The following OSGEP variants were observed in gnomAD, a reference collection of about 807,000 sequenced individuals.
OSGEP encodes tRNA N6-adenosine threonylcarbamoyltransferase.
In OSGEP, 39 loss-of-function variants were observed where a neutral mutation model predicts 44.1. The observed-to-expected ratio is 0.88, with a 90% CI of 0.69 to 1.16. OSGEP has a LOEUF of 1.16. OSGEP is among the 50% of genes most tolerant of loss of function. The pLI, the probability that OSGEP is intolerant of heterozygous loss-of-function variation, is 0.00. For missense variants in OSGEP, 403 were observed against 443.1 expected (o/e 0.91, Z 0.81); for synonymous variants, 139 against 161.9 (o/e 0.86, Z 1.07).
At chr14:20,453,641 T>G (rs1881167935) in intron 1 of OSGEP, among the ~76,000 whole-genome samples, 1 of 152,214 alleles carries the variant, frequency 6.6e-6, no homozygotes, top group African/African-American at 2.4e-5. Context: ...GTGCTGGGAT[T>G]ACAGGCGTGA....
At chr14:20,452,227 G>A in intron 2 of OSGEP, 78 bp from the exon 3 acceptor site, 1 of 1,577,668 alleles carries the variant, frequency 6.3e-7, no homozygotes, top group Non-Finnish European at 8.7e-7. Context: ...GATGTGAGGT[G>A]GGGTAGGGGT....
rs1353101038 is a variant in OSGEP, at chr14:20,452,142, G to A, written c.243C>T (p.Gly81=). Residue 81 remains glycine (G), a synonymous_variant, in exon 3 of 11, where the codon GGC becomes GGT. Transcript: ENST00000206542. ...CCACAGAAACCAGTGGGGCACCCAT[G>A]CCAGGGCCTAGGGAGATAGAAATGG... ...IDCIAYTKGP[G]MGAPLVSVAV... is the part of the protein sequence containing the mutation. 6.2e-7 allele frequency: 1 copy of A among 1,610,412 alleles called. No homozygotes were observed. The highest frequency in any genetic ancestry group is 2.2e-5 in the East Asian group (1 of 44,860).
intron 1 of OSGEP, 98 bp from the exon 2 acceptor site, chr14:20,452,546 G>GA (rs1881130155): frequency 8.5e-7 from 1 of 1,173,860 alleles, no homozygotes; most frequent in East Asian, 2.4e-5. Flanking sequence ...GATGTAGTAA[G>GA]AGTCCTTTCA....
chr14:20,452,292 T>C (rs1881123208), intron 2 of OSGEP, 37 bp downstream of exon 2: 1 of 1,611,442 alleles, frequency 6.2e-7, no homozygotes, highest in Non-Finnish European at 8.5e-7. Flanking sequence ...AGGTTGCAGG[T>C]ATATTCCTCC....
rs377609434 is a variant in OSGEP, at chr14:20,447,491, G to C, written c.899C>G (p.Ala300Gly). 33 of 1,614,044 alleles carry C rather than the reference G, an allele frequency of 2.0e-5. No individual in the cohort carries two copies. The highest frequency in any genetic ancestry group is 2.5e-5 in the Non-Finnish European group (30 of 1,180,022). ...CCGAAACATCTCCCAGCCAGCCTGG[G>C]CTATCATCGCTCCATTGTCAATACA... ...RFCIDNGAMI[A>G]QAGWEMFRAG... Residue 300 changes from alanine to glycine, a missense_variant, in exon 10 of 11, where the codon GCC becomes GGC. By Grantham distance (60) the Ala-to-Gly change is moderately conservative. Transcript: ENST00000206542.
rs1191283028 is a variant in OSGEP, at chr14:20,447,978, A to G, written c.719T>C (p.Met240Thr). The change falls in exon 8 of 11, where the codon ATG (methionine) becomes ACG (threonine). Residue 240 changes from methionine (M) to threonine (T), a missense_variant. Physicochemically the swap from Met to Thr is moderately conservative, Grantham distance 81. Transcript: ENST00000206542. Reference protein sequence around the residue: ...CFSLQETVFAMLVEITERAMA... With the variant: ...CFSLQETVFATLVEITERAMA... The stretch of plus-strand genomic sequence containing the variant: ...GGCTCGCTCTGTGATCTCTACCAGC[A>G]TTGCAAACACAGTTTCCTGTCAGGG... 5 of 1,613,894 alleles carry G rather than the reference A, an allele frequency of 3.1e-6. No individual in the cohort carries two copies. Among genetic ancestry groups the G allele is most frequent in the Non-Finnish European group, 4.2e-6 (5 of 1,179,826 alleles).
rs1881115157 is a variant in OSGEP at position 20,452,063 on chromosome 14, T to G, written c.322A>C (p.Asn108His). 6.2e-7 allele frequency: 1 copy of G among 1,613,878 alleles called. No homozygotes were observed. The highest frequency in any genetic ancestry group is 8.5e-7 in the Non-Finnish European group (1 of 1,179,976). ...ATCTCAATGTGGCCTATACAGTGGTTCACACCCACCAATGGCTTATTCCAC... is the reference window on the plus strand; with the variant it reads ...ATCTCAATGTGGCCTATACAGTGGTGCACACCCACCAATGGCTTATTCCAC... ...QLWNKPLVGVNHCIGHIEMGR... is the reference protein window; with the variant it reads ...QLWNKPLVGVHHCIGHIEMGR... Residue 108 changes from asparagine (N) to histidine (H), a missense_variant, in exon 3 of 11, where the codon AAC (asparagine) becomes CAC (histidine). Physicochemically the swap from Asn to His is moderately conservative, Grantham distance 68. Transcript: ENST00000206542.
At position 20,454,626 on chromosome 14, in the gene OSGEP, G is replaced by T; in HGVS notation, c.58C>A (p.Arg20=). Residue 20 remains arginine, a synonymous_variant, in exon 1 of 11, where the codon CGG becomes AGG. Transcript: ENST00000206542. ...GGGTTCGCCAGCACCTTGCCATCCCGCACCACGCCCACGCCAATCTTATTG... is the reference window on the plus strand; with the variant it reads ...GGGTTCGCCAGCACCTTGCCATCCCTCACCACGCCCACGCCAATCTTATTG... ...SANKIGVGVV[R]DGKVLANPRR... 3 of 1,614,118 alleles carry T rather than the reference G, an allele frequency of 1.9e-6. No homozygotes were observed. Among genetic ancestry groups the T allele is most frequent in the Non-Finnish European group, 2.5e-6 (3 of 1,179,976 alleles).
At position 20,448,011 on chromosome 14, in the gene OSGEP, A is replaced by G. The variant is rs1324960774; in HGVS notation, c.703-17T>C. On this transcript the variant is annotated splice_polypyrimidine_tract_variant and intron_variant, in intron 7 of 10. Coordinates refer to ENST00000206542, the MANE Select transcript of OSGEP (RefSeq NM_017807.4). ...CACAGTTTCCTGTCAGGGACAGATA[A>G]GGAGAAAATATTAGAGGGGCATCCC... is the stretch of plus-strand genomic sequence containing the variant. The G allele has an allele frequency of 6.2e-7, 1 of 1,607,864 alleles. No homozygotes were observed. Among genetic ancestry groups the G allele is most frequent in the Non-Finnish European group, 8.5e-7 (1 of 1,174,268 alleles).
At position 20,448,009 on chromosome 14, in the gene OSGEP, T is replaced by C; in HGVS notation, c.703-15A>G. On this transcript the variant is annotated splice_polypyrimidine_tract_variant and intron_variant, in intron 7 of 10. Coordinates refer to ENST00000206542, the MANE Select transcript of OSGEP (RefSeq NM_017807.4). ...AACACAGTTTCCTGTCAGGGACAGA[T>C]AAGGAGAAAATATTAGAGGGGCATC... 1 of 1,609,554 alleles carries C rather than the reference T, an allele frequency of 6.2e-7. No individual in the cohort carries two copies. The highest frequency in any genetic ancestry group is 8.5e-7 in the Non-Finnish European group (1 of 1,175,782).
intron 7 of OSGEP, 42 bp downstream of exon 7, chr14:20,448,064 C>T: frequency 2.5e-6 from 4 of 1,594,630 alleles, no homozygotes; most frequent in Non-Finnish European, 3.4e-6. Flanking sequence ...CAATATAAAA[C>T]CTTCAGCCCC....
At chr14:20,448,229 G>A (rs1594406971) in intron 6 of OSGEP, 58 bp from the exon 7 acceptor site, 10 of 1,418,312 alleles carry the variant, frequency 7.1e-6, no homozygotes, top group Middle Eastern at 1.7e-4. Context: ...GATTACACGA[G>A]AGCAAAAATT....
Position 20,449,587 on chromosome 14 carries a change from G to A in OSGEP, c.412-321C>T, listed in dbSNP as rs529258742. Reference sequence around the variant, plus strand: ...ATGCAGTCTTGATAGTAGGTAACCGGCTTTTCTGCTTGGAGGCAGAGAACA... The same window carrying A: ...ATGCAGTCTTGATAGTAGGTAACCGACTTTTCTGCTTGGAGGCAGAGAACA... On this transcript the variant is annotated intron_variant, in intron 3 of 10. Coordinates refer to ENST00000206542, the MANE Select transcript of OSGEP (RefSeq NM_017807.4). 4.6e-5 allele frequency: 13 copies of A among 279,926 alleles called. 1 individual carries two copies. Among genetic ancestry groups the A allele is most frequent in the South Asian group, 8.0e-5 (2 of 24,894 alleles). The allele number at this position is 279,926 out of a possible 1,614,324, so 17.3% of individuals were successfully genotyped here.
At chr14:20,452,281 C>T (rs1169844716) in intron 2 of OSGEP, 48 bp downstream of exon 2, 5 of 1,608,140 alleles carry the variant, frequency 3.1e-6, no homozygotes, top group Non-Finnish European at 4.2e-6. Context: ...TTGACCTAGC[C>T]AGGTTGCAGG....
chr14:20,453,361 T>C (rs1306597743), intron 1 of OSGEP, among the ~76,000 whole-genome samples: 1 of 120,636 alleles, frequency 8.3e-6, no homozygotes, highest in African/African-American at 3.1e-5. Context: ...AGTTGTAATG[T>C]GTTTTGTACT....
chr14:20,447,728 G>A (rs372650578), intron 8 of OSGEP, 38 bp from the exon 9 acceptor site: 6 of 1,534,624 alleles, frequency 3.9e-6, no homozygotes, highest in Non-Finnish European at 5.4e-6. Flanking sequence ...CTTAGTTTTA[G>A]CCATCTCTTC....
chr14:20,450,195 C>T (rs1881059770), intron 3 of OSGEP: 1 of 152,218 alleles, frequency 6.6e-6, no homozygotes, highest in African/African-American at 2.4e-5. Flanking sequence ...AGGCACCCAC[C>T]ACCACTTTTT....
intron 1 of OSGEP, 34 bp downstream of exon 1, chr14:20,454,535 G>A (rs1421299139): frequency 5.7e-6 from 8 of 1,392,444 alleles, no homozygotes; most frequent in Admixed American, 3.3e-5. Flanking sequence ...GCGGGGAAGT[G>A]CGCGGAAAAC....
At chr14:20,452,196 A>G in intron 2 of OSGEP, 47 bp from the exon 3 acceptor site, 5 of 1,531,648 alleles carry the variant, frequency 3.3e-6, no homozygotes, top group Non-Finnish European at 4.4e-6. Flanking sequence ...TTGGAAAAAA[A>G]CAATAGTGGG....
Sources: allele counts gnomAD v4.1 joint callset (sites outside exome capture counted in the v4.1 genomes callset), GRCh38; gene constraint gnomAD v4.1.1; transcripts MANE v1.5; gene names NCBI Gene and HGNC (gene_info 2026-07-23, HGNC 2026-07-21).